The following ZNF142 variants were observed in gnomAD, a reference collection of about 807,000 sequenced individuals.
The protein encoded by ZNF142 is zinc finger protein 142 (clone pHZ-49).
A neutral mutation model predicts 132.1 loss-of-function variants in ZNF142; 96 were observed. The ratio of observed to expected loss-of-function variants is 0.73; its 90% CI spans 0.62 to 0.86. The LOEUF (loss-of-function observed/expected upper bound fraction) is 0.86, where lower values mean the gene tolerates loss of function less well. Ranked by LOEUF, ZNF142 falls within the 40% of genes least tolerant of loss-of-function variation. The pLI is 0.00. For synonymous variants in ZNF142, 842 were observed against 890.1 expected (o/e 0.95, Z 0.96); for missense variants, 2,163 against 2,336.2 (o/e 0.93, Z 1.53).
In ZNF142 at chr2:218,636,376, G is replaced by A; in HGVS notation, c.*1963C>T. 6.2e-7 allele frequency: 1 copy of A among 1,614,000 alleles called. No individual in the cohort carries two copies. The highest frequency in any genetic ancestry group is 8.5e-7 in the Non-Finnish European group (1 of 1,179,904). On this transcript the variant is annotated 3_prime_UTR_variant, in exon 11 of 11. Coordinates refer to ENST00000411696, the MANE Select transcript of ZNF142 (RefSeq NM_001379659.1). The stretch of plus-strand genomic sequence containing the variant: ...TTATTGGTCAGTACACCCTGCCTTG[G>A]ACCTGCATGCAACAAGGTGAGCCAG...
Position 218,649,427 on chromosome 2 carries a change from T to G in ZNF142, c.1081A>C (p.Lys361Gln). The G allele has an allele frequency of 6.2e-7, 1 of 1,608,976 alleles. No homozygotes were observed. Among genetic ancestry groups the G allele is most frequent in the Non-Finnish European group, 8.5e-7 (1 of 1,177,178 alleles). ...TTACACTCTGGACACATATGGGTCT[T>G]GAAGAGGGACTCGGTGCCAGAGACC... ...DVVSGTESLFKTHMCPECKRC... is the reference protein window; with the variant it reads ...DVVSGTESLFQTHMCPECKRC... The change falls in exon 7 of 11, where the codon AAG becomes CAG. Residue 361 changes from lysine to glutamine, a missense_variant. Coordinates refer to ENST00000411696, the MANE Select transcript of ZNF142 (RefSeq NM_001379659.1).
In ZNF142 at chr2:218,651,746, CTCCCTGTG is replaced by C; in HGVS notation, c.827_834del (p.Thr276ArgfsTer41). 1 of 1,289,692 alleles carries C rather than the reference CTCCCTGTG, an allele frequency of 7.8e-7. No homozygotes were observed. The highest frequency in any genetic ancestry group is 1.0e-6 in the Non-Finnish European group (1 of 988,788). The allele number at this position is 1,289,692 out of a possible 1,614,324, so 79.9% of individuals were successfully genotyped here. On this transcript the variant is annotated frameshift_variant, in exon 5 of 11. Coordinates refer to ENST00000411696, the MANE Select transcript of ZNF142 (RefSeq NM_001379659.1). LOFTEE classifies it high-confidence loss of function. Reference sequence around the variant, plus strand: ...GGAAGGCCCTGAACGGCAGAAAGTTCTCCCTGTGTCCCAGCACCATGGCTCCGCTGATG... The same window carrying C: ...GGAAGGCCCTGAACGGCAGAAAGTTCTCCCAGCACCATGGCTCCGCTGATG...
chr2:218,641,980 C>T, intron 9 of ZNF142, 48 bp downstream of exon 9: 1 of 1,578,514 alleles, frequency 6.3e-7, no homozygotes, highest in Non-Finnish European at 8.6e-7. Flanking sequence ...AGTTTAACTC[C>T]AGAGCCTGTG....
At position 218,638,235 on chromosome 2, in the gene ZNF142, A is replaced by G; in HGVS notation, c.*104T>C. On this transcript the variant is annotated 3_prime_UTR_variant, in exon 11 of 11. Transcript: ENST00000411696. ...AGGTTCTAGTCACCCTTGTACCCCA[A>G]AAGCCAGTCTTTCCTTAGGCTCTGA... The G allele has an allele frequency of 8.3e-7, 1 of 1,211,212 alleles. No homozygotes were observed. The highest frequency in any genetic ancestry group is 1.1e-6 in the Non-Finnish European group (1 of 919,896). 75.0% of individuals were successfully genotyped at this position (1,211,212 alleles called of 1,614,324 possible). A position where few individuals can be genotyped will look rare whatever the true frequency, so the allele number is the denominator to read the frequency against.
At chr2:218,656,883 T>C (rs947711673) in intron 3 of ZNF142, among the ~76,000 whole-genome samples, 71 of 151,122 alleles carry the variant, frequency 4.7e-4, no homozygotes, top group Middle Eastern at 3.2e-3. Flanking sequence ...AGTGGCGTGA[T>C]CTTGGCTCAC....
intron 5 of ZNF142, among the ~76,000 whole-genome samples, 178 bp from the exon 6 acceptor site, chr2:218,650,704 A>G (rs1937903821): frequency 6.6e-6 from 1 of 152,252 alleles, no homozygotes; most frequent in African/African-American, 2.4e-5. Flanking sequence ...CGAAGAGCTA[A>G]GTTATTAGCA....
Position 218,634,184 on chromosome 2 carries a change from C to T in ZNF142, c.*4155G>A. On this transcript the variant is annotated 3_prime_UTR_variant, in exon 11 of 11. Transcript: ENST00000411696. This position sits in a 1 kb window ranked among gnomAD's most constrained non-coding sequence, Gnocchi z 4.0. ...GCCTGAGGACAGACTCTTCCAACTACAACCCCCAGGAACTCTGGAATGCAG... is the reference window on the plus strand; with the variant it reads ...GCCTGAGGACAGACTCTTCCAACTATAACCCCCAGGAACTCTGGAATGCAG... 1 of 1,612,014 alleles carries T rather than the reference C, an allele frequency of 6.2e-7. No homozygotes were observed. Among genetic ancestry groups the T allele is most frequent in the African/African-American group, 1.3e-5 (1 of 75,032 alleles).
At position 218,643,109 on chromosome 2, in the gene ZNF142, T is replaced by A. The variant is rs370521702; in HGVS notation, c.4007A>T (p.His1336Leu). ...GCPLEESGELHCSLCPFTAPA... is the reference protein window; with the variant it reads ...GCPLEESGELLCSLCPFTAPA... ...AGCAGTGAATGGGCAGAGGCTGCAG[T>A]GCAGCTCTCCAGACTCCTCGAGGGG... The change falls in exon 9 of 11, where the codon CAC becomes CTC. Residue 1336 changes from histidine (H) to leucine (L), a missense_variant. His to Leu is a moderately conservative substitution (Grantham distance 99). Coordinates refer to ENST00000411696, the MANE Select transcript of ZNF142 (RefSeq NM_001379659.1). 3.3e-5 allele frequency: 53 copies of A among 1,612,258 alleles called. No homozygotes were observed. Among genetic ancestry groups the A allele is most frequent in the Non-Finnish European group, 4.2e-5 (50 of 1,179,338 alleles).
chr2:218,638,260 A>G lies in ZNF142; in HGVS notation c.*79T>C. 2.2e-6 allele frequency: 3 copies of G among 1,351,150 alleles called. No homozygotes were observed. The highest frequency in any genetic ancestry group is 2.9e-6 in the Non-Finnish European group (3 of 1,035,122). The allele number at this position is 1,351,150 out of a possible 1,614,324, so 83.7% of individuals were successfully genotyped here. On this transcript the variant is annotated 3_prime_UTR_variant, in exon 11 of 11. Coordinates refer to ENST00000411696, the MANE Select transcript of ZNF142 (RefSeq NM_001379659.1). ...AAAGCCAGTCTTTCCTTAGGCTCTG[A>G]GCTCCTCAGGCTAGCGCTGGTCCCA...
intron 7 of ZNF142, 43 bp downstream of exon 7, chr2:218,648,592 C>T: frequency 6.4e-7 from 1 of 1,572,554 alleles, no homozygotes; most frequent in Middle Eastern, 1.7e-4. Flanking sequence ...GTATCACCAC[C>T]ATCATTATTA....
Position 218,642,988 on chromosome 2 carries a change from A to G in ZNF142, c.4128T>C (p.Cys1376=), listed in dbSNP as rs1697369314. ...AACGGCTCTGTTTACAGGTGAAGCC[A>G]CAGTCCCCACACTGTAGATGGGGCC... ...GPRPHLQCGD[C]GFTCKQSRCM... is the part of the protein sequence containing the mutation. The change falls in exon 9 of 11, where the codon TGT becomes TGC. Residue 1376 remains cysteine (C), a synonymous_variant. Coordinates refer to ENST00000411696, the MANE Select transcript of ZNF142 (RefSeq NM_001379659.1). The surrounding 1 kb of genome is among the most constrained non-coding windows in gnomAD (Gnocchi z 4.6). 1 of 1,612,440 alleles carries G rather than the reference A, an allele frequency of 6.2e-7. No individual in the cohort carries two copies.
chr2:218,634,692 G>C lies in ZNF142; in HGVS notation c.*3647C>G. ...TAACTGGGATAGAAGTGAGGGAAGA[G>C]GTGGCTAGGCCTGACCGGAATGTAG... is the stretch of plus-strand genomic sequence containing the variant. On this transcript the variant is annotated 3_prime_UTR_variant, in exon 11 of 11. Transcript: ENST00000411696. This position sits in a 1 kb window ranked among gnomAD's most constrained non-coding sequence, Gnocchi z 4.0. The C allele has an allele frequency of 6.4e-7, 1 of 1,574,532 alleles. No individual in the cohort carries two copies. Among genetic ancestry groups the C allele is most frequent in the Non-Finnish European group, 8.7e-7 (1 of 1,152,782 alleles).
At chr2:218,650,066 C>T (rs1399198565) in intron 6 of ZNF142, among the ~76,000 whole-genome samples, 4 of 152,222 alleles carry the variant, frequency 2.6e-5, no homozygotes, top group Non-Finnish European at 5.9e-5. Flanking sequence ...TCAATAACTT[C>T]TGGCATCTCT....
Position 218,638,831 on chromosome 2 carries a change from C to T in ZNF142, c.5195-23G>A, listed in dbSNP as rs1249577296. Reference sequence around the variant, plus strand: ...GTCCTACAGGACAGGGAACAAATCACCATTGAAAGGCGGTGGAGCAAGGTT... The same window carrying T: ...GTCCTACAGGACAGGGAACAAATCATCATTGAAAGGCGGTGGAGCAAGGTT... On this transcript the variant is annotated intron_variant, in intron 10 of 10. Transcript: ENST00000411696. The T allele has an allele frequency of 1.9e-6, 3 of 1,555,476 alleles. No individual in the cohort carries two copies. The South Asian group carries it at 3.5e-5, about 18-fold the overall frequency.
Position 218,638,155 on chromosome 2 carries a change from T to C in ZNF142, c.*184A>G, listed in dbSNP as rs1458093769. ...AATAAGAAATCAACGTTATAGTCCA[T>C]GTCCCTCTTTTATATGGGTGATAAT... On this transcript the variant is annotated 3_prime_UTR_variant, in exon 11 of 11. Coordinates refer to ENST00000411696, the MANE Select transcript of ZNF142 (RefSeq NM_001379659.1). The C allele has an allele frequency of 1.2e-5, 6 of 481,904 alleles. No individual in the cohort carries two copies. The highest frequency in any genetic ancestry group is 8.2e-5 in the Admixed American group (2 of 24,290). The allele number at this position is 481,904 out of a possible 1,614,324, so 29.9% of individuals were successfully genotyped here. A position where few individuals can be genotyped will look rare whatever the true frequency, so the allele number is the denominator to read the frequency against.
chr2:218,634,326 G>A lies in ZNF142; in HGVS notation c.*4013C>T, dbSNP rs570489036. 3 of 1,569,434 alleles carry A rather than the reference G, an allele frequency of 1.9e-6. No homozygotes were observed. In the African/African-American group the frequency reaches 4.0e-5, roughly 21 times the overall value. On this transcript the variant is annotated 3_prime_UTR_variant, in exon 11 of 11. Transcript: ENST00000411696. The surrounding 1 kb of genome is among the most constrained non-coding windows in gnomAD (Gnocchi z 4.0). Reference sequence around the variant, plus strand: ...GGGGAATGCTCAAGAAAATTGCTAGGCTGAGAAATGCTATCAGTGGATATT... The same window carrying A: ...GGGGAATGCTCAAGAAAATTGCTAGACTGAGAAATGCTATCAGTGGATATT...
In ZNF142 at chr2:218,643,901, C is replaced by G; in HGVS notation, c.3215G>C (p.Gly1072Ala). The change falls in exon 9 of 11, where the codon GGG (glycine) becomes GCG (alanine). Residue 1072 changes from glycine (G) to alanine (A), a missense_variant. This residue lies in a region of ZNF142 where 809 missense variants were observed against 801.7 expected (regional missense o/e 1.01). Transcript: ENST00000411696. ...GCCGCGTTGTTGCTTGAAGCTAGCC[C>G]CACACTCGGGGCACAGCAGGGGCTC... is the stretch of plus-strand genomic sequence containing the variant. The part of the protein sequence containing the change: ...RREPLLCPEC[G>A]ASFKQQRGLS... 5.6e-6 allele frequency: 9 copies of G among 1,614,140 alleles called. No individual in the cohort carries two copies. The highest frequency in any genetic ancestry group is 7.6e-6 in the Non-Finnish European group (9 of 1,180,026).
chr2:218,634,469 A>T lies in ZNF142; in HGVS notation c.*3870T>A. ...CCTGGGGCCCTCAGTGGCCATGAAT[A>T]TGCAGACTGCAGGGCTTGAAATGGA... On this transcript the variant is annotated 3_prime_UTR_variant, in exon 11 of 11. Transcript: ENST00000411696. The surrounding 1 kb of genome is among the most constrained non-coding windows in gnomAD (Gnocchi z 4.0). 6.2e-7 allele frequency: 1 copy of T among 1,612,940 alleles called. No homozygotes were observed. The highest frequency in any genetic ancestry group is 8.5e-7 in the Non-Finnish European group (1 of 1,179,492).
chr2:218,643,130 AGG>A lies in ZNF142; in HGVS notation c.3984_3985del (p.Leu1329ArgfsTer52). ...GCAGTGCAGCTCTCCAGACTCCTCG[AGG>A]GGGCAGCCCCGGATCTGGTGAGTCC... On this transcript the variant is annotated frameshift_variant, in exon 9 of 11. Transcript: ENST00000411696. LOFTEE classifies it high-confidence loss of function. The A allele has an allele frequency of 6.2e-7, 1 of 1,613,904 alleles. No individual in the cohort carries two copies. The highest frequency in any genetic ancestry group is 8.5e-7 in the Non-Finnish European group (1 of 1,179,926).
Sources: allele counts gnomAD v4.1 joint callset (sites outside exome capture counted in the v4.1 genomes callset), GRCh38; gene constraint gnomAD v4.1.1; regional missense constraint gnomAD v4.1.1; non-coding constraint Gnocchi (gnomAD v3.1); transcripts MANE v1.5; gene names NCBI Gene and HGNC (gene_info 2026-07-23, HGNC 2026-07-21).